SIPA1L2: variants seen among roughly 807,000 people sequenced by gnomAD.
The protein encoded by SIPA1L2 is signal-induced proliferation-associated 1-like protein 2.
Under a neutral mutation model 163.9 loss-of-function variants are expected in SIPA1L2, and 56 were observed. That is an observed-to-expected ratio of 0.34 (90% CI 0.28 to 0.43). The LOEUF (loss-of-function observed/expected upper bound fraction) is 0.43, where lower values mean the gene tolerates loss of function less well. SIPA1L2 is among the 20% of genes least tolerant of loss of function. The probability of loss-of-function intolerance (pLI) is 1.00; values close to 1 mark genes in which losing one functional copy is unlikely to be tolerated. For missense variants in SIPA1L2, 1,974 were observed against 2,193.5 expected (o/e 0.90, Z 2.00); for synonymous variants, 877 against 865.7 (o/e 1.01, Z -0.23).
chr1:232,408,867 A>G (rs1204382985), intron 19 of SIPA1L2, among the ~76,000 whole-genome samples: 1 of 152,110 alleles, frequency 6.6e-6, no homozygotes, highest in Non-Finnish European at 1.5e-5. Flanking sequence ...TAAATATTTA[A>G]ATACCTTTAT....
rs763401404 is a variant in SIPA1L2 at position 232,425,706 on chromosome 1, G to A, written c.4513C>T (p.Arg1505Trp). 19 of 1,613,878 alleles carry A rather than the reference G, an allele frequency of 1.2e-5. No homozygotes were observed. Among genetic ancestry groups the A allele is most frequent in the Middle Eastern group, 1.6e-4 (1 of 6,074 alleles). The change falls in exon 18 of 23, where the codon CGG (arginine) becomes TGG (tryptophan). Residue 1505 changes from arginine to tryptophan, a missense_variant. By Grantham distance (101) the Arg-to-Trp change is moderately radical. This residue lies in a region of SIPA1L2 where 1,079 missense variants were observed against 1,150.7 expected (regional missense o/e 0.94). Coordinates refer to ENST00000674635, the MANE Select transcript of SIPA1L2 (RefSeq NM_020808.5). ...AGGGCCTGGTCAAGCACGGAACTCCGGGAACTGCCAAAGGAGGACCCCCTC... is the reference window on the plus strand; with the variant it reads ...AGGGCCTGGTCAAGCACGGAACTCCAGGAACTGCCAAAGGAGGACCCCCTC... ...NRRGSSFGSSRSSVLDQALPN... is the reference protein window; with the variant it reads ...NRRGSSFGSSWSSVLDQALPN...
intron 17 of SIPA1L2, among the ~76,000 whole-genome samples, chr1:232,427,341 T>C (rs1447561278): frequency 6.6e-6 from 1 of 152,278 alleles, no homozygotes; most frequent in Non-Finnish European, 1.5e-5. Flanking sequence ...CAGTAGTGTC[T>C]AATTAGAGTG....
intron 2 of SIPA1L2, among the ~76,000 whole-genome samples, chr1:232,562,261 G>A (rs1659082456): frequency 6.6e-6 from 1 of 152,220 alleles, no homozygotes; most frequent in Non-Finnish European, 1.5e-5. Context: ...AACAGCAGCA[G>A]AAAGGAGTTA....
At chr1:232,558,662 C>A (rs1294447411) in intron 2 of SIPA1L2, among the ~76,000 whole-genome samples, 4 of 152,250 alleles carry the variant, frequency 2.6e-5, no homozygotes, top group South Asian at 4.1e-4. Context: ...ATTTTGCCAG[C>A]TAATGAGTTA....
rs565872567 is a variant in SIPA1L2 at position 232,515,641 on chromosome 1, A to T, written c.-269-33T>A. 1,150 of 315,160 alleles carry T rather than the reference A, an allele frequency of 3.6e-3. 18 individuals carry two copies. Among genetic ancestry groups the T allele is most frequent in the African/African-American group, 0.023 (1,082 of 46,754 alleles). 19.5% of individuals were successfully genotyped at this position (315,160 alleles called of 1,614,324 possible). Reference sequence around the variant, plus strand: ...AAGAGATAGGAAGTAGCCATTAGCAATTAATATGCTTCAAGTTGAACACAT... The same window carrying T: ...AAGAGATAGGAAGTAGCCATTAGCATTTAATATGCTTCAAGTTGAACACAT... On this transcript the variant is annotated intron_variant, in intron 2 of 22. Transcript: ENST00000674635.
At chr1:232,603,100 T>C (rs1426189348) in intron 1 of SIPA1L2, among the ~76,000 whole-genome samples, 1 of 151,966 alleles carries the variant, frequency 6.6e-6, no homozygotes, top group Admixed American at 6.6e-5. Context: ...GGTATAAGGA[T>C]TGAGTTAGGG....
chr1:232,473,792 G>A (rs944263441), intron 7 of SIPA1L2, among the ~76,000 whole-genome samples: 1 of 152,054 alleles, frequency 6.6e-6, no homozygotes, highest in Non-Finnish European at 1.5e-5. Context: ...GATTGGAGGC[G>A]GGAACAAGAA....
At chr1:232,450,147 A>T (rs1479258325) in intron 10 of SIPA1L2, among the ~76,000 whole-genome samples, 1 of 152,008 alleles carries the variant, frequency 6.6e-6, no homozygotes, top group African/African-American at 2.4e-5. Flanking sequence ...CTTTATTTTA[A>T]CTCTGTTTCC....
chr1:232,568,978 G>A (rs981050542), intron 2 of SIPA1L2, among the ~76,000 whole-genome samples: 1 of 152,136 alleles, frequency 6.6e-6, no homozygotes, highest in African/African-American at 2.4e-5. Context: ...ACTCTTGACG[G>A]GGAAGGGCTG....
At chr1:232,477,922 A>C (rs908456243) in intron 7 of SIPA1L2, among the ~76,000 whole-genome samples, 7 of 152,160 alleles carry the variant, frequency 4.6e-5, no homozygotes, top group African/African-American at 1.7e-4. Context: ...ATACTCGATG[A>C]CGGGGGTCAA....
intron 1 of SIPA1L2, among the ~76,000 whole-genome samples, chr1:232,615,079 T>C (rs1005569924): frequency 1.8e-4 from 28 of 152,240 alleles, no homozygotes; most frequent in African/African-American, 5.5e-4. Context: ...AGAATATTTA[T>C]GTCTGGTATC....
chr1:232,429,175 C>T (rs911379719), intron 16 of SIPA1L2, among the ~76,000 whole-genome samples: 2 of 152,204 alleles, frequency 1.3e-5, no homozygotes, highest in Non-Finnish European at 2.9e-5. Context: ...AGCTCCTTTA[C>T]AGGGACAAAA....
chr1:232,530,409 G>C (rs907047022), intron 2 of SIPA1L2, among the ~76,000 whole-genome samples: 1 of 152,058 alleles, frequency 6.6e-6, no homozygotes, highest in Non-Finnish European at 1.5e-5. Context: ...CCACCGTGCT[G>C]GGCCACCATT....
chr1:232,539,786 C>T (rs904846108), intron 2 of SIPA1L2, among the ~76,000 whole-genome samples: 1 of 152,214 alleles, frequency 6.6e-6, no homozygotes, highest in Non-Finnish European at 1.5e-5. Context: ...AGCCCTCTTA[C>T]TTCAGAGAGC....
At chr1:232,477,627 T>C (rs1254613529) in intron 7 of SIPA1L2, among the ~76,000 whole-genome samples, 1 of 152,122 alleles carries the variant, frequency 6.6e-6, no homozygotes, top group Admixed American at 6.5e-5. Flanking sequence ...TCCTCCTCTA[T>C]CCCCCAGTTG....
chr1:232,613,471 T>C (rs1662352277), intron 1 of SIPA1L2, among the ~76,000 whole-genome samples: 3 of 152,126 alleles, frequency 2.0e-5, no homozygotes, highest in Admixed American at 6.6e-5. Context: ...TATTATGGAG[T>C]CAAGGGAACC....
intron 8 of SIPA1L2, among the ~76,000 whole-genome samples, chr1:232,468,612 T>G (rs1451997479): frequency 1.3e-5 from 2 of 152,222 alleles, no homozygotes; most frequent in African/African-American, 4.8e-5. Context: ...ACTGTCACTA[T>G]TACTATCATA....
intron 8 of SIPA1L2, 97 bp downstream of exon 8, chr1:232,471,274 G>T: frequency 1.5e-6 from 2 of 1,312,758 alleles, no homozygotes; most frequent in Non-Finnish European, 2.1e-6. Flanking sequence ...AAATCACAAA[G>T]TTGCAAATAA....
At chr1:232,561,931 T>C (rs1346080028) in intron 2 of SIPA1L2, among the ~76,000 whole-genome samples, 1 of 152,140 alleles carries the variant, frequency 6.6e-6, no homozygotes, top group Non-Finnish European at 1.5e-5. Flanking sequence ...ACTAAACCTT[T>C]TCCAGGGCCA....
Sources: allele counts gnomAD v4.1 joint callset (sites outside exome capture counted in the v4.1 genomes callset), GRCh38; gene constraint gnomAD v4.1.1; regional missense constraint gnomAD v4.1.1; transcripts MANE v1.5; gene names NCBI Gene and HGNC (gene_info 2026-07-23, HGNC 2026-07-21).